Variants in NDFIP2 observed in about 807,000 individuals in gnomAD.
The protein encoded by NDFIP2 is NEDD4 family-interacting protein 2.
In NDFIP2, 19 loss-of-function variants were observed where a neutral mutation model predicts 36.0. The observed-to-expected ratio is 0.53, with a 90% CI of 0.37 to 0.77. The LOEUF is 0.77. Among genes scored for constraint, NDFIP2 ranks in the 30% least tolerant of loss-of-function variants. The probability of loss-of-function intolerance (pLI) is 0.00; values close to 1 mark genes in which losing one functional copy is unlikely to be tolerated. For missense variants in NDFIP2, 446 were observed against 435.8 expected (o/e 1.02, Z -0.21); for synonymous variants, 181 against 167.7 (o/e 1.08, Z -0.61).
chr13:79,486,717 C>T (rs747015810), intron 1 of NDFIP2, among the ~76,000 whole-genome samples: 5 of 152,140 alleles, frequency 3.3e-5, no homozygotes, highest in African/African-American at 7.2e-5. Context: ...CATTCATTTA[C>T]GGTGGTAGGG....
intron 3 of NDFIP2, among the ~76,000 whole-genome samples, chr13:79,535,308 G>C (rs185769997): frequency 1.3e-5 from 2 of 152,198 alleles, no homozygotes; most frequent in Non-Finnish European, 2.9e-5. Flanking sequence ...CCATACAATA[G>C]GATAGAATTC....
At chr13:79,510,478 T>C (rs1874044438) in intron 1 of NDFIP2, among the ~76,000 whole-genome samples, 1 of 151,894 alleles carries the variant, frequency 6.6e-6, no homozygotes, top group South Asian at 2.1e-4. Flanking sequence ...AAAAATCAGC[T>C]GACTAAAGGC....
At chr13:79,551,414 T>G (rs1875905666) in intron 7 of NDFIP2, among the ~76,000 whole-genome samples, 1 of 151,348 alleles carries the variant, frequency 6.6e-6, no homozygotes, top group South Asian at 2.1e-4. Flanking sequence ...AACCATAGAA[T>G]GTATATGAAG....
intron 2 of NDFIP2, among the ~76,000 whole-genome samples, chr13:79,526,328 G>T (rs1362493999): frequency 6.6e-6 from 1 of 152,198 alleles, no homozygotes; most frequent in Non-Finnish European, 1.5e-5. Flanking sequence ...AGGCAGTCAA[G>T]TGATAACAAA....
chr13:79,523,588 G>A (rs1874674713), intron 2 of NDFIP2, among the ~76,000 whole-genome samples: 1 of 152,136 alleles, frequency 6.6e-6, no homozygotes, highest in Non-Finnish European at 1.5e-5. Flanking sequence ...CACAGTAAGA[G>A]ATTAACAACA....
chr13:79,542,232 G>A (rs188008006), intron 4 of NDFIP2, among the ~76,000 whole-genome samples: 159 of 152,252 alleles, frequency 1.0e-3, no homozygotes, highest in Non-Finnish European at 1.9e-3. Flanking sequence ...CATTTGTACC[G>A]TGTGTGAATC....
chr13:79,532,078 C>T (rs954897396), intron 2 of NDFIP2, among the ~76,000 whole-genome samples: 3 of 152,054 alleles, frequency 2.0e-5, no homozygotes, highest in African/African-American at 7.2e-5. Flanking sequence ...TTGTGGTGCC[C>T]CAAAACAATT....
intron 2 of NDFIP2, among the ~76,000 whole-genome samples, chr13:79,527,991 C>T (rs1365099982): frequency 1.3e-5 from 2 of 152,108 alleles, no homozygotes; most frequent in Admixed American, 6.6e-5. Context: ...TAGCTATGCA[C>T]GGTGGCACAT....
intron 5 of NDFIP2, among the ~76,000 whole-genome samples, chr13:79,546,075 C>A (rs890720179): frequency 2.0e-5 from 3 of 152,164 alleles, no homozygotes; most frequent in Non-Finnish European, 4.4e-5. Flanking sequence ...GGTCTCAATT[C>A]ATTGCCTATT....
Position 79,504,349 on chromosome 13 carries a change from A to G in NDFIP2, c.322-16461A>G, listed in dbSNP as rs573398659. Among the ~76,000 whole-genome samples the G allele has an allele frequency of 1.5e-3, 221 of 152,246 alleles. 1 individual carries two copies. The highest frequency in any genetic ancestry group is 4.9e-3 in the African/African-American group (204 of 41,556). ...ATGAGTTCTTTACCTGTATTTGTAT[A>G]TAAGTACATTTTTTCTTGAAACATT... On this transcript the variant is annotated intron_variant, in intron 1 of 7. Transcript: ENST00000218652.
chr13:79,504,086 A>C (rs1373818452), intron 1 of NDFIP2, among the ~76,000 whole-genome samples: 1 of 152,202 alleles, frequency 6.6e-6, no homozygotes, highest in Non-Finnish European at 1.5e-5. Flanking sequence ...GGAGTTAATC[A>C]TCATATAGGG....
chr13:79,537,625 C>T (rs959154017), intron 3 of NDFIP2, among the ~76,000 whole-genome samples: 3 of 151,872 alleles, frequency 2.0e-5, no homozygotes, highest in African/African-American at 7.3e-5. Flanking sequence ...TCTTTGTGCC[C>T]GAATAATAAG....
At chr13:79,538,453 C>T (rs915361667) in intron 3 of NDFIP2, among the ~76,000 whole-genome samples, 5 of 152,178 alleles carry the variant, frequency 3.3e-5, no homozygotes, top group Admixed American at 6.5e-5. Flanking sequence ...AAGCTAATTA[C>T]TTCTAAGATA....
At chr13:79,547,815 A>G (rs192931734) in intron 5 of NDFIP2, among the ~76,000 whole-genome samples, 2 of 152,270 alleles carry the variant, frequency 1.3e-5, no homozygotes, top group Admixed American at 1.3e-4. Context: ...GGGGGTCTTT[A>G]TGCACCTAGT....
chr13:79,539,760 A>T lies in NDFIP2; in HGVS notation c.700A>T (p.Met234Leu). 1.2e-6 allele frequency: 2 copies of T among 1,613,710 alleles called. No individual in the cohort carries two copies. The highest frequency in any genetic ancestry group is 1.7e-6 in the Non-Finnish European group (2 of 1,179,720). The part of the protein sequence containing the change: ...QLRVGNDGIF[M>L]LAFFMAFIFN... Reference sequence around the variant, plus strand: ...CAGAGTGGGGAATGATGGCATTTTCATGCTGGCATTTTTCAGTAAGTAATC... The same window carrying T: ...CAGAGTGGGGAATGATGGCATTTTCTTGCTGGCATTTTTCAGTAAGTAATC... Residue 234 changes from methionine to leucine, a missense_variant, in exon 4 of 8, where the codon ATG (methionine) becomes TTG (leucine). Physicochemically the swap from Met to Leu is conservative, Grantham distance 15 (BLOSUM62 2). This residue lies in a region of NDFIP2 where 77 missense variants were observed against 131.0 expected (regional missense o/e 0.59). Transcript: ENST00000218652.
intron 1 of NDFIP2, among the ~76,000 whole-genome samples, chr13:79,506,124 A>G (rs1330917875): frequency 6.6e-6 from 1 of 152,210 alleles, no homozygotes; most frequent in Non-Finnish European, 1.5e-5. Flanking sequence ...TCTGTCCTAC[A>G]TTAAAAACAG....
intron 2 of NDFIP2, among the ~76,000 whole-genome samples, chr13:79,526,506 A>G (rs1445886663): frequency 1.3e-5 from 2 of 152,210 alleles, no homozygotes; most frequent in Admixed American, 1.3e-4. Context: ...GAACTACAAC[A>G]TTTAACAGTG....
At chr13:79,521,069 C>T (rs1259708895) in intron 2 of NDFIP2, 94 bp downstream of exon 2, 5 of 990,578 alleles carry the variant, frequency 5.0e-6, no homozygotes, top group Non-Finnish European at 7.4e-6. Context: ...GGCTTATAAA[C>T]ATATATACAC....
At chr13:79,508,219 C>T (rs992301909) in intron 1 of NDFIP2, among the ~76,000 whole-genome samples, 1 of 152,144 alleles carries the variant, frequency 6.6e-6, no homozygotes, top group Non-Finnish European at 1.5e-5. Flanking sequence ...CTTGTACATG[C>T]CTCTTTATTT....
Sources: allele counts gnomAD v4.1 joint callset (sites outside exome capture counted in the v4.1 genomes callset), GRCh38; gene constraint gnomAD v4.1.1; regional missense constraint gnomAD v4.1.1; transcripts MANE v1.5; gene names NCBI Gene and HGNC (gene_info 2026-07-23, HGNC 2026-07-21).